Variants in SYNE1 observed in about 807,000 individuals in gnomAD.
SYNE1 encodes the protein spectrin repeat containing nuclear envelope protein 1.
Under a neutral mutation model 1,111.0 loss-of-function variants are expected in SYNE1, and 616 were observed. The observed-to-expected ratio is 0.55, with a 90% CI of 0.52 to 0.59. The LOEUF (loss-of-function observed/expected upper bound fraction) is 0.59. Ranked by LOEUF, SYNE1 falls within the 20% of genes least tolerant of loss-of-function variation. The pLI is 0.00. For synonymous variants in SYNE1, 3,855 were observed against 3,825.8 expected (o/e 1.01, Z -0.28); for missense variants, 10,006 against 10,417.0 (o/e 0.96, Z 1.72).
At chr6:152,453,804 C>T (rs878946979) in intron 24 of SYNE1, 84 bp from the exon 25 acceptor site, 7 of 1,571,598 alleles carry the variant, frequency 4.5e-6, no homozygotes, top group South Asian at 1.1e-5. Flanking sequence ...AGCCTCCAAA[C>T]AAGCCTCTCA....
intron 18 of SYNE1, among the ~76,000 whole-genome samples, chr6:152,464,171 T>G (rs1357165224): frequency 6.6e-6 from 1 of 152,190 alleles, no homozygotes; most frequent in East Asian, 1.9e-4. Context: ...CACTTTCTTA[T>G]TTATTTAAGG....
chr6:152,354,706 G>A lies in SYNE1; in HGVS notation c.10879C>T (p.Arg3627Cys), dbSNP rs149712464. 1.9e-5 allele frequency: 31 copies of A among 1,614,042 alleles called. No individual in the cohort carries two copies. Among genetic ancestry groups the A allele is most frequent in the African/African-American group, 5.3e-5 (4 of 74,894 alleles). Reference protein sequence around the residue: ...AEEKVSPRTRRQSNRATKEIQ... With the variant: ...AEEKVSPRTRCQSNRATKEIQ... ...TCCTTGGTTGCCCTGTTAGACTGAC[G>A]TCTGGTCCTGGGACTAACTTTCTCC... The change falls in exon 67 of 146, where the codon CGT becomes TGT. Residue 3627 changes from arginine (R) to cysteine (C), a missense_variant. By Grantham distance (180) the Arg-to-Cys change is radical. This residue lies in a region of SYNE1 where 4,955 missense variants were observed against 5,017.2 expected (regional missense o/e 0.99). Coordinates refer to ENST00000367255, the MANE Select transcript of SYNE1 (RefSeq NM_182961.4).
intron 104 of SYNE1, among the ~76,000 whole-genome samples, chr6:152,253,825 T>TTTTTTG: frequency 3.6e-5 from 2 of 56,062 alleles, no homozygotes; most frequent in Non-Finnish European, 5.9e-5. Flanking sequence ...TTGGTTTTTT[T>TTTTTTG]TTTTTTTTTT....
chr6:152,321,718 T>A lies in SYNE1; in HGVS notation c.16083+3A>T. On this transcript the variant is annotated splice_donor_region_variant and intron_variant, in intron 83 of 145. Transcript: ENST00000367255. The stretch of plus-strand genomic sequence containing the variant: ...TAAAGAGAATGAGGAGACTTTTTTG[T>A]ACCTGAAGTTCTTCAAGTTGAGCAT... The A allele has an allele frequency of 6.2e-7, 1 of 1,614,056 alleles. No homozygotes were observed. Among genetic ancestry groups the A allele is most frequent in the Non-Finnish European group, 8.5e-7 (1 of 1,179,942 alleles).
rs1355433119 is a variant in SYNE1 at position 152,364,714 on chromosome 6, AAGGAAGGAAGGAAGGG to A, written c.10145+117_10145+132del. 4.0e-5 allele frequency: 39 copies of A among 978,302 alleles called. No individual in the cohort carries two copies. In the African/African-American group the frequency reaches 5.2e-4, roughly 13 times the overall value. The allele number at this position is 978,302 out of a possible 1,614,324, so 60.6% of individuals were successfully genotyped here. A position where few individuals can be genotyped will look rare whatever the true frequency, so the allele number is the denominator to read the frequency against. On this transcript the variant is annotated intron_variant, in intron 63 of 145. Coordinates refer to ENST00000367255, the MANE Select transcript of SYNE1 (RefSeq NM_182961.4). ...GAAGGAAGGAAGGAAGGAAGGAAGG[AAGGAAGGAAGGAAGGG>A]AGGAAGGAAAGGAAAGGGAAGGGAA...
chr6:152,630,294 G>A (rs971052200), intron 2 of SYNE1, among the ~76,000 whole-genome samples: 2 of 152,120 alleles, frequency 1.3e-5, no homozygotes, highest in African/African-American at 4.8e-5. Context: ...AACTTCTCTT[G>A]GCTACTTGAA....
In SYNE1 at chr6:152,505,397, C is replaced by G; in HGVS notation, c.582G>C (p.Lys194Asn). The change falls in exon 9 of 146, where the codon AAG (lysine) becomes AAC (asparagine). Residue 194 changes from lysine to asparagine, a missense_variant and splice_region_variant. Around this residue, in one of 7 missense-constraint regions of SYNE1, gnomAD observed 1,971 missense variants for 2,084.1 expected, o/e 0.95. Transcript: ENST00000367255. ...LLKWVQYTAG[K>N]QTGIEVKDFG... ...AATCTTTTACTTCTATTCCAGTCTG[C>G]CTTTGTGTTATAAAAACATAAAATG... 4 of 1,613,682 alleles carry G rather than the reference C, an allele frequency of 2.5e-6. No individual in the cohort carries two copies. Among genetic ancestry groups the G allele is most frequent in the Non-Finnish European group, 2.5e-6 (3 of 1,179,962 alleles).
chr6:152,198,489 C>A (rs2074653675), intron 127 of SYNE1, among the ~76,000 whole-genome samples: 1 of 152,198 alleles, frequency 6.6e-6, no homozygotes, highest in South Asian at 2.1e-4. Context: ...TTTGCATTCA[C>A]AACCTGGCTG....
At chr6:152,238,501 T>C (rs748589540) in intron 108 of SYNE1, among the ~76,000 whole-genome samples, 1 of 152,296 alleles carries the variant, frequency 6.6e-6, no homozygotes, top group South Asian at 2.1e-4. Context: ...CTCCAAAATA[T>C]AGGGAATTCC....
chr6:152,281,681 A>G, intron 97 of SYNE1, 126 bp downstream of exon 97: 1 of 991,318 alleles, frequency 1.0e-6, no homozygotes, highest in Non-Finnish European at 1.5e-6. Flanking sequence ...TATTCTTTAA[A>G]TGTATAAAGT....
At chr6:152,250,229 A>G (rs2088738624) in intron 104 of SYNE1, among the ~76,000 whole-genome samples, 1 of 152,060 alleles carries the variant, frequency 6.6e-6, no homozygotes. Context: ...ACGCCACTAC[A>G]TGCCAGCCTG....
At chr6:152,301,020 G>C (rs2095141261) in intron 92 of SYNE1, among the ~76,000 whole-genome samples, 1 of 152,156 alleles carries the variant, frequency 6.6e-6, no homozygotes, top group Non-Finnish European at 1.5e-5. Flanking sequence ...TTGAAGTTTT[G>C]TTGTTGATTA....
At chr6:152,529,423 A>T (rs2099184857) in intron 4 of SYNE1, among the ~76,000 whole-genome samples, 1 of 152,176 alleles carries the variant, frequency 6.6e-6, no homozygotes, top group Non-Finnish European at 1.5e-5. Flanking sequence ...GTCTGGGATT[A>T]CATTGTCCCA....
intron 144 of SYNE1, 35 bp downstream of exon 144, chr6:152,132,087 C>A: frequency 1.3e-6 from 2 of 1,594,192 alleles, no homozygotes; most frequent in South Asian, 1.1e-5. Context: ...TGTTCACTCC[C>A]ATGGGCCAAC....
intron 55 of SYNE1, among the ~76,000 whole-genome samples, chr6:152,384,474 A>G (rs2097488443): frequency 6.6e-6 from 1 of 152,246 alleles, no homozygotes; most frequent in Non-Finnish European, 1.5e-5. Context: ...ATTTTAAAGA[A>G]TAACACACAA....
chr6:152,523,228 G>A (rs1441844331), intron 5 of SYNE1, among the ~76,000 whole-genome samples: 2 of 151,922 alleles, frequency 1.3e-5, no homozygotes, highest in Non-Finnish European at 1.5e-5. Flanking sequence ...GTTGATTTTT[G>A]TATAAGGCGA....
At chr6:152,201,615 C>G (rs1587687374) in intron 127 of SYNE1, among the ~76,000 whole-genome samples, 2 of 152,060 alleles carry the variant, frequency 1.3e-5, no homozygotes, top group East Asian at 3.9e-4. Flanking sequence ...TCATTTGCTT[C>G]CTTGGAGTAA....
At chr6:152,488,002 G>C (rs55891126) in intron 12 of SYNE1, among the ~76,000 whole-genome samples, 7,765 of 151,712 alleles carry the variant, frequency 0.051, 674 homozygotes, top group African/African-American at 0.18. Context: ...GTGAACCCAG[G>C]AGGCAGAGCT....
At chr6:152,160,548 A>G (rs1420532334) in intron 131 of SYNE1, among the ~76,000 whole-genome samples, 1 of 152,162 alleles carries the variant, frequency 6.6e-6, no homozygotes, top group African/African-American at 2.4e-5. Flanking sequence ...TAGTGCGTGT[A>G]GCATATGCAG....
Sources: allele counts gnomAD v4.1 joint callset (sites outside exome capture counted in the v4.1 genomes callset), GRCh38; gene constraint gnomAD v4.1.1; regional missense constraint gnomAD v4.1.1; transcripts MANE v1.5; gene names NCBI Gene and HGNC (gene_info 2026-07-23, HGNC 2026-07-21).